GABRG3: variants seen among roughly 807,000 people sequenced by gnomAD.
GABRG3 encodes gamma-aminobutyric acid receptor subunit gamma-3.
A neutral mutation model predicts 48.8 loss-of-function variants in GABRG3; 25 were observed. The ratio of observed to expected loss-of-function variants is 0.51; its 90% confidence interval spans 0.37 to 0.72. GABRG3 has a LOEUF of 0.72. Among genes scored for constraint, GABRG3 ranks in the 30% least tolerant of loss-of-function variants. The pLI, the probability that GABRG3 is intolerant of heterozygous loss-of-function variation, is 0.00. For missense variants in GABRG3, 394 were observed against 577.9 expected (o/e 0.68, Z 3.26); for synonymous variants, 227 against 217.6 (o/e 1.04, Z -0.38).
At chr15:27,057,913 G>A (rs1372219805) in intron 3 of GABRG3, among the ~76,000 whole-genome samples, 1 of 152,284 alleles carries the variant, frequency 6.6e-6, no homozygotes, top group East Asian at 1.9e-4. Context: ...ATTGCAACTC[G>A]AGAGGATGTG....
intron 5 of GABRG3, among the ~76,000 whole-genome samples, chr15:27,403,887 G>C (rs1487147735): frequency 7.0e-6 from 1 of 143,446 alleles, no homozygotes; most frequent in Non-Finnish European, 1.5e-5. Flanking sequence ...ACTTAAGCCT[G>C]GTGACAAAGC....
chr15:27,268,450 A>G (rs1890986902), intron 3 of GABRG3, among the ~76,000 whole-genome samples: 1 of 152,030 alleles, frequency 6.6e-6, no homozygotes, highest in Non-Finnish European at 1.5e-5. Flanking sequence ...TAGATTTGTC[A>G]ATTTTATTAA....
chr15:27,539,036 G>A lies in GABRG3; in HGVS notation c.*6155G>A, dbSNP rs1891609354. On this transcript the variant is annotated 3_prime_UTR_variant, in exon 10 of 10. Transcript: ENST00000615808. ...CTGAAATTCCCATTTTTTGTTAAACGTTTTTCCAATACATAGCAATGTGTA... is the reference window on the plus strand; with the variant it reads ...CTGAAATTCCCATTTTTTGTTAAACATTTTTCCAATACATAGCAATGTGTA... The A allele has an allele frequency of 6.6e-6, 1 of 151,978 alleles. No homozygotes were observed. Among genetic ancestry groups the A allele is most frequent in the Non-Finnish European group, 1.5e-5 (1 of 67,986 alleles). 9.4% of individuals were successfully genotyped at this position (151,978 alleles called of 1,614,324 possible).
At chr15:27,334,043 T>A (rs976030303) in intron 5 of GABRG3, among the ~76,000 whole-genome samples, 1 of 152,258 alleles carries the variant, frequency 6.6e-6, no homozygotes, top group Non-Finnish European at 1.5e-5. Flanking sequence ...GATTGGTTAA[T>A]ATATATTAGT....
chr15:27,426,297 A>G (rs117642785), intron 5 of GABRG3, among the ~76,000 whole-genome samples: 4,764 of 152,322 alleles, frequency 0.031, 116 homozygotes, highest in Middle Eastern at 0.1. Context: ...AGCCTGGTTT[A>G]TAATGTGCTT....
intron 9 of GABRG3, among the ~76,000 whole-genome samples, chr15:27,531,449 T>C (rs143075629): frequency 5.3e-5 from 8 of 152,328 alleles, no homozygotes; most frequent in African/African-American, 1.9e-4. Flanking sequence ...TAAGAGGTTG[T>C]TACGATGCTT....
intron 3 of GABRG3, among the ~76,000 whole-genome samples, chr15:27,171,333 A>G (rs1418458400): frequency 6.6e-6 from 1 of 152,146 alleles, no homozygotes; most frequent in Non-Finnish European, 1.5e-5. Context: ...TTAGTAGTAA[A>G]TGAAAATTAT....
intron 5 of GABRG3, among the ~76,000 whole-genome samples, chr15:27,345,657 C>T (rs946147750): frequency 6.6e-6 from 1 of 152,132 alleles, no homozygotes; most frequent in Non-Finnish European, 1.5e-5. Context: ...TTATATAGAT[C>T]TAAGTTTCTG....
chr15:27,300,661 A>G (rs1892167975), intron 3 of GABRG3, among the ~76,000 whole-genome samples: 1 of 124,816 alleles, frequency 8.0e-6, no homozygotes, highest in African/African-American at 3.0e-5. Context: ...CCATCTCAAA[A>G]TAAATAAATA....
At chr15:27,406,004 A>G (rs74569560) in intron 5 of GABRG3, among the ~76,000 whole-genome samples, 8,647 of 152,244 alleles carry the variant, frequency 0.057, 272 homozygotes, top group Middle Eastern at 0.13. Context: ...CAACAAATTA[A>G]TAATGAAGCC....
At chr15:27,142,819 A>T (rs894349253) in intron 3 of GABRG3, among the ~76,000 whole-genome samples, 4 of 151,498 alleles carry the variant, frequency 2.6e-5, no homozygotes, top group Admixed American at 2.0e-4. Flanking sequence ...TGTTGCCCAG[A>T]CTGGAGTGCA....
chr15:27,473,348 A>G (rs1160570996), intron 5 of GABRG3, among the ~76,000 whole-genome samples: 1 of 152,192 alleles, frequency 6.6e-6, no homozygotes, highest in Non-Finnish European at 1.5e-5. Context: ...GGAGAAATAC[A>G]CCTGTCATTG....
In GABRG3 at chr15:27,537,520, G is replaced by T. The variant is rs898959793; in HGVS notation, c.*4639G>T. 3.3e-5 allele frequency: 5 copies of T among 152,098 alleles called. No individual in the cohort carries two copies. Among genetic ancestry groups the T allele is most frequent in the Non-Finnish European group, 7.4e-5 (5 of 68,022 alleles). The allele number at this position is 152,098 out of a possible 1,614,324, so 9.4% of individuals were successfully genotyped here. A position where few individuals can be genotyped will look rare whatever the true frequency, so the allele number is the denominator to read the frequency against. ...CTTCAGGATAAATGACACCTGCATCGCTGATCCCTTGTTGACTTATGTTTT... is the reference window on the plus strand; with the variant it reads ...CTTCAGGATAAATGACACCTGCATCTCTGATCCCTTGTTGACTTATGTTTT... On this transcript the variant is annotated 3_prime_UTR_variant, in exon 10 of 10. Transcript: ENST00000615808.
intron 5 of GABRG3, among the ~76,000 whole-genome samples, chr15:27,458,441 G>A: frequency 6.6e-6 from 1 of 152,142 alleles, no homozygotes; most frequent in East Asian, 1.9e-4. Context: ...ATTTAATACA[G>A]CCTTGGTTAC....
At chr15:27,233,516 T>A (rs71465220) in intron 3 of GABRG3, among the ~76,000 whole-genome samples, 18 of 152,186 alleles carry the variant, frequency 1.2e-4, no homozygotes, top group African/African-American at 4.3e-4. Flanking sequence ...GAAGGCCACC[T>A]TCTCCTTGTG....
intron 5 of GABRG3, among the ~76,000 whole-genome samples, chr15:27,478,060 AAAGAAAG>A (rs1404056062): frequency 2.7e-5 from 4 of 148,928 alleles, no homozygotes; most frequent in African/African-American, 7.6e-5. Context: ...AAAAAAAAAA[AAAGAAAG>A]AAAGAAAGAA....
intron 5 of GABRG3, among the ~76,000 whole-genome samples, chr15:27,354,807 C>T (rs1314799203): frequency 1.3e-5 from 2 of 152,194 alleles, no homozygotes; most frequent in Non-Finnish European, 2.9e-5. Flanking sequence ...GGAAGAGTCT[C>T]ATTAACTAGA....
At chr15:27,069,412 G>T (rs1209527317) in intron 3 of GABRG3, among the ~76,000 whole-genome samples, 1 of 152,172 alleles carries the variant, frequency 6.6e-6, no homozygotes, top group Non-Finnish European at 1.5e-5. Context: ...CACAATGAAT[G>T]AGTTACATGA....
At chr15:27,011,761 T>C (rs1895691408) in intron 2 of GABRG3, among the ~76,000 whole-genome samples, 1 of 150,452 alleles carries the variant, frequency 6.6e-6, no homozygotes, top group South Asian at 2.1e-4. Context: ...GGCAGGAGAA[T>C]GGCGTGAACC....
Sources: gnomAD v4.1 joint callset for allele counts (sites outside exome capture counted in the v4.1 genomes callset) on GRCh38, gnomAD v4.1.1 for gene constraint, MANE v1.5 for transcripts, NCBI Gene and HGNC (gene_info 2026-07-23, HGNC 2026-07-21) for gene names.